NAALADL2: variants seen among roughly 807,000 people sequenced by gnomAD.
NAALADL2 encodes the protein N-acetylated alpha-linked acidic dipeptidase like 2, also known as inactive N-acetylated-alpha-linked acidic dipeptidase-like protein 2.
A neutral mutation model predicts 87.2 loss-of-function variants in NAALADL2; 76 were observed. The observed-to-expected ratio is 0.87, with a 90% CI of 0.72 to 1.05. The LOEUF is 1.05. Among genes scored for constraint, NAALADL2 ranks in the 50% least tolerant of loss-of-function variants. The probability of loss-of-function intolerance (pLI) is 0.00; values close to 1 mark genes in which losing one functional copy is unlikely to be tolerated. For missense variants in NAALADL2, 1,089 were observed against 945.8 expected, an observed-to-expected ratio of 1.15 and a Z score of -1.99; for synonymous variants, 354 against 331.0, an observed-to-expected ratio of 1.07 and a Z score of -0.75.
intron 3 of NAALADL2, among the ~76,000 whole-genome samples, chr3:174,815,845 T>G (rs56262903): frequency 9.5e-6 from 1 of 104,728 alleles, no homozygotes; most frequent in Non-Finnish European, 2.0e-5. Context: ...TTTTTTTTTT[T>G]TTTTTTTTTT....
intron 1 of NAALADL2, among the ~76,000 whole-genome samples, chr3:175,065,029 A>G (rs1173691566): frequency 6.6e-6 from 1 of 152,074 alleles, no homozygotes; most frequent in Non-Finnish European, 1.5e-5. Flanking sequence ...ATATCAGAGT[A>G]AAAAGTGAGA....
Position 174,903,999 on chromosome 3 carries a change from C to A in NAALADL2, c.43+44549C>A, listed in dbSNP as rs547920262. Among the ~76,000 whole-genome samples the A allele has an allele frequency of 2.9e-3, 434 of 151,538 alleles. 4 individuals carry two copies. The highest frequency in any genetic ancestry group is 0.01 in the African/African-American group (421 of 41,240). On this transcript the variant is annotated intron_variant, in intron 1 of 13. Transcript: ENST00000454872. The stretch of plus-strand genomic sequence containing the variant: ...TCTATATCTATTTCTATATCTATAT[C>A]TATATCTATATCTGTATCTATTTGA...
intron 10 of NAALADL2, among the ~76,000 whole-genome samples, chr3:175,612,929 A>T (rs1724837298): frequency 6.6e-6 from 1 of 152,126 alleles, no homozygotes; most frequent in South Asian, 2.1e-4. Context: ...TGTTACCATG[A>T]CGCTGGGTGT....
chr3:175,587,098 G>A (rs987721713), intron 10 of NAALADL2, among the ~76,000 whole-genome samples: 1 of 152,134 alleles, frequency 6.6e-6, no homozygotes, highest in Non-Finnish European at 1.5e-5. Flanking sequence ...CCCTCTGATG[G>A]ACTGACACCA....
intron 1 of NAALADL2, among the ~76,000 whole-genome samples, chr3:174,993,193 A>AGTAAGAGCC (rs1267525218): frequency 6.6e-6 from 1 of 152,164 alleles, no homozygotes; most frequent in East Asian, 1.9e-4. Flanking sequence ...GAAATGGAAT[A>AGTAAGAGCC]GTAAGAGCCG....
intron 9 of NAALADL2, among the ~76,000 whole-genome samples, chr3:175,507,536 C>T (rs774598681): frequency 6.6e-6 from 1 of 152,156 alleles, no homozygotes; most frequent in Non-Finnish European, 1.5e-5. Flanking sequence ...GATTCTCCTG[C>T]CTCAGCCTCC....
intron 2 of NAALADL2, among the ~76,000 whole-genome samples, chr3:175,177,921 G>T (rs1244580696): frequency 2.0e-5 from 3 of 151,748 alleles, no homozygotes; most frequent in African/African-American, 7.3e-5. Context: ...TAGTGTCATG[G>T]GTATTGTCTA....
intron 11 of NAALADL2, among the ~76,000 whole-genome samples, chr3:175,678,652 A>G (rs762316281): frequency 1.7e-4 from 26 of 152,130 alleles, no homozygotes; most frequent in Admixed American, 3.3e-4. Context: ...CATGTTCTCA[A>G]TCATAGGTGG....
intron 3 of NAALADL2, among the ~76,000 whole-genome samples, chr3:174,801,913 T>G (rs1718878987): frequency 6.6e-6 from 1 of 152,122 alleles, no homozygotes; most frequent in Non-Finnish European, 1.5e-5. Flanking sequence ...TACTAATGGA[T>G]TGTGATTTGT....
chr3:174,847,502 G>T (rs954051684), intron 3 of NAALADL2, among the ~76,000 whole-genome samples: 1 of 152,108 alleles, frequency 6.6e-6, no homozygotes, highest in Admixed American at 6.5e-5. Flanking sequence ...AAAATTTTAT[G>T]TGCCATTAGT....
chr3:174,468,762 C>CT (rs541184155), intron 1 of NAALADL2, among the ~76,000 whole-genome samples: 1,368 of 130,142 alleles, frequency 0.011, 12 homozygotes, highest in African/African-American at 0.018. Flanking sequence ...TAACTATATT[C>CT]TTTTTTTTTT....
Position 174,723,263 on chromosome 3 carries a change from CTTTCTGAGCCTA to C in NAALADL2, c.-114-14363_-114-14352del, listed in dbSNP as rs980621730. ...CTAAAGGTGAATTAAGTTAATTCAC[CTTTCTGAGCCTA>C]TTTCTGAGCCTATTCCTATGAAACT... On this transcript the variant is annotated intron_variant, in intron 2 of 3. Coordinates refer to the NAALADL2 transcript ENST00000434257. 2.5e-4 allele frequency among the ~76,000 whole-genome samples: 38 copies of C among 152,074 alleles called. No homozygotes were observed. In the South Asian group the frequency reaches 3.5e-3, roughly 14 times the overall value.
chr3:174,924,413 A>G (rs1257794439), intron 1 of NAALADL2, among the ~76,000 whole-genome samples: 1 of 152,048 alleles, frequency 6.6e-6, no homozygotes, highest in Non-Finnish European at 1.5e-5. Flanking sequence ...ATGGCTGCAT[A>G]GTATTCCATG....
intron 1 of NAALADL2, among the ~76,000 whole-genome samples, chr3:174,881,539 G>A (rs978191016): frequency 2.0e-5 from 3 of 152,058 alleles, no homozygotes; most frequent in Admixed American, 6.6e-5. Context: ...CTCCCAAACT[G>A]GTTGATAGAA....
chr3:175,666,575 TA>T (rs1444445254), intron 11 of NAALADL2, among the ~76,000 whole-genome samples: 4 of 152,268 alleles, frequency 2.6e-5, no homozygotes, highest in African/African-American at 9.6e-5. Flanking sequence ...GCTGGAAATT[TA>T]AACAAAAAAT....
intron 2 of NAALADL2, among the ~76,000 whole-genome samples, chr3:175,134,775 C>T (rs553981113): frequency 2.5e-3 from 388 of 152,240 alleles, no homozygotes; most frequent in Non-Finnish European, 4.5e-3. Context: ...ATTCTCCCAC[C>T]ACTGCCACTC....
chr3:175,223,100 G>GTC (rs1266255966), intron 2 of NAALADL2, among the ~76,000 whole-genome samples: 1 of 54,312 alleles, frequency 1.8e-5, no homozygotes, highest in Non-Finnish European at 6.9e-5. Flanking sequence ...TACTCTGTGT[G>GTC]TGTGTGTGTG....
intron 2 of NAALADL2, chr3:174,550,992 T>A (rs1712054354): frequency 6.6e-6 from 1 of 152,048 alleles, no homozygotes; most frequent in Admixed American, 6.6e-5. Flanking sequence ...TTTTATTTTA[T>A]TTTATTTTAT....
chr3:175,288,279 C>T lies in NAALADL2; in HGVS notation c.939+31749C>T, dbSNP rs572935477. On this transcript the variant is annotated intron_variant, in intron 4 of 13. Transcript: ENST00000454872. ...ACTCAGGGATGGTAACATTTTTGTT[C>T]TATTCAGGCCTTCAATTGATTGGAA... Among the ~76,000 whole-genome samples, 12 of 152,190 alleles carry T rather than the reference C, an allele frequency of 7.9e-5. 1 individual carries two copies. The South Asian group carries it at 2.5e-3, about 32-fold the overall frequency.
Sources: gnomAD v4.1 joint callset for allele counts (sites outside exome capture counted in the v4.1 genomes callset) on GRCh38, gnomAD v4.1.1 for gene constraint, MANE v1.5 for transcripts, NCBI Gene and HGNC (gene_info 2026-07-23, HGNC 2026-07-21) for gene names.